PSD3: variants seen among roughly 807,000 people sequenced by gnomAD.
PSD3 encodes pleckstrin and Sec7 domain containing 3.
In PSD3, 49 loss-of-function variants were observed where a neutral mutation model predicts 105.5. The observed-to-expected ratio is 0.46, with a 90% CI of 0.37 to 0.59. PSD3 has a LOEUF of 0.59. Among genes scored for constraint, PSD3 ranks in the 20% least tolerant of loss-of-function variants. PSD3 has a pLI of 0.00. For missense variants in PSD3, 1,561 were observed against 1,263.8 expected (o/e 1.24, Z -3.57); for synonymous variants, 557 against 457.8 (o/e 1.22, Z -2.77).
intron 2 of PSD3, among the ~76,000 whole-genome samples, chr8:18,882,106 G>A (rs1257536884): frequency 2.0e-5 from 3 of 152,114 alleles, no homozygotes; most frequent in Non-Finnish European, 2.9e-5. Context: ...TACTTGGGAG[G>A]CTGAGGTGAG....
intron 14 of PSD3, among the ~76,000 whole-genome samples, chr8:18,562,451 C>G (rs1414971220): frequency 6.6e-6 from 1 of 152,226 alleles, no homozygotes; most frequent in Non-Finnish European, 1.5e-5. Context: ...AGCTTCAGCA[C>G]ATTGTCTTAC....
At chr8:18,591,173 T>C (rs1472726689) in intron 12 of PSD3, among the ~76,000 whole-genome samples, 1 of 151,778 alleles carries the variant, frequency 6.6e-6, no homozygotes, top group African/African-American at 2.4e-5. Flanking sequence ...GTAAGAAGAG[T>C]GATTTCATCT....
chr8:18,934,568 G>A (rs1018674341), intron 2 of PSD3, among the ~76,000 whole-genome samples: 10 of 152,070 alleles, frequency 6.6e-5, no homozygotes, highest in African/African-American at 1.2e-4. Flanking sequence ...CTGCCACCGC[G>A]CCCGGCTAAT....
chr8:19,004,969 C>G (rs1826603604), intron 1 of PSD3, among the ~76,000 whole-genome samples: 1 of 152,054 alleles, frequency 6.6e-6, no homozygotes. Flanking sequence ...TCCATTAAAC[C>G]TCTTTCTTTT....
rs576998355 is a variant in PSD3, at chr8:18,527,559, C to G, written c.*8184G>C. On this transcript the variant is annotated 3_prime_UTR_variant, in exon 16 of 16. Coordinates refer to ENST00000327040, the MANE Select transcript of PSD3 (RefSeq NM_015310.4). ...TATACATATCAGATGACTCACTTGT[C>G]TACAAGGTTTAGATTTACTTGAACA... The G allele has an allele frequency of 6.6e-6, 1 of 152,670 alleles. No individual in the cohort carries two copies. The highest frequency in any genetic ancestry group is 1.9e-4 in the East Asian group (1 of 5,184). The allele number at this position is 152,670 out of a possible 1,614,324, so 9.5% of individuals were successfully genotyped here.
chr8:18,998,173 T>C (rs1826181383), intron 1 of PSD3, among the ~76,000 whole-genome samples: 1 of 151,908 alleles, frequency 6.6e-6, no homozygotes, highest in African/African-American at 2.4e-5. Flanking sequence ...CCTGTAGCCT[T>C]TTAAAAGAGT....
chr8:18,623,530 T>C (rs28478256), intron 11 of PSD3, among the ~76,000 whole-genome samples: 11,558 of 145,884 alleles, frequency 0.079, 558 homozygotes, highest in East Asian at 0.19. Flanking sequence ...GTCCCAGCTA[T>C]CTGGGTGGCT....
At chr8:19,069,690 AACT>A (rs1457721894) in intron 1 of PSD3, among the ~76,000 whole-genome samples, 5 of 152,218 alleles carry the variant, frequency 3.3e-5, no homozygotes, top group African/African-American at 1.2e-4. Context: ...TGTTCACTAC[AACT>A]AAAGAGTACA....
At chr8:18,663,628 T>C (rs1809515483) in intron 9 of PSD3, among the ~76,000 whole-genome samples, 1 of 152,232 alleles carries the variant, frequency 6.6e-6, no homozygotes, top group Non-Finnish European at 1.5e-5. Context: ...GATTACCTTC[T>C]ATTGAACTGG....
intron 1 of PSD3, among the ~76,000 whole-genome samples, chr8:18,993,491 T>C (rs189142899): frequency 6.6e-6 from 1 of 152,172 alleles, no homozygotes; most frequent in African/African-American, 2.4e-5. Context: ...AACAGTTAAA[T>C]AAGATAATGA....
At chr8:18,865,253 TATATATATATATATATATATA>T (rs1816777953) in intron 4 of PSD3, 1 of 3,340 alleles carries the variant, frequency 3.0e-4, no homozygotes, top group Non-Finnish European at 6.9e-4. Flanking sequence ...TATATATATA[TATATATATATATATATATATA>T]TATATATATA....
chr8:18,985,862 C>CT (rs1171907186), intron 1 of PSD3, among the ~76,000 whole-genome samples: 1 of 151,732 alleles, frequency 6.6e-6, no homozygotes, highest in African/African-American at 2.4e-5. Flanking sequence ...TTCATGGATA[C>CT]TTTTTTTAAT....
intron 1 of PSD3, among the ~76,000 whole-genome samples, chr8:19,049,268 G>A (rs991790038): frequency 3.9e-5 from 6 of 152,148 alleles, no homozygotes; most frequent in Non-Finnish European, 7.3e-5. Flanking sequence ...AGGTGGAGCG[G>A]AGAGACTATC....
chr8:18,616,686 G>C lies in PSD3; in HGVS notation c.2410+15927C>G, dbSNP rs111842934. Among the ~76,000 whole-genome samples, 265 of 141,036 alleles carry C rather than the reference G, an allele frequency of 1.9e-3. 2 individuals carry two copies. Among genetic ancestry groups the C allele is most frequent in the African/African-American group, 6.6e-3 (254 of 38,244 alleles). 92.5% of individuals were successfully genotyped at this position (141,036 alleles called of 152,430 possible). ...TCGCCCAGGCTGGAGTGCAGTGGCGGGATCTCGGCTCACTGCAAGCTCCGC... is the reference window on the plus strand; with the variant it reads ...TCGCCCAGGCTGGAGTGCAGTGGCGCGATCTCGGCTCACTGCAAGCTCCGC... On this transcript the variant is annotated intron_variant, in intron 11 of 15. Transcript: ENST00000327040.
At chr8:19,051,672 T>C (rs1053063393) in intron 1 of PSD3, among the ~76,000 whole-genome samples, 2 of 152,198 alleles carry the variant, frequency 1.3e-5, no homozygotes, top group Non-Finnish European at 2.9e-5. Context: ...CGATTTGTCA[T>C]TGTGTCATGC....
At chr8:19,016,347 C>T (rs1827177535), upstream of PSD3, among the ~76,000 whole-genome samples, 1 of 152,142 alleles carries the variant, frequency 6.6e-6, no homozygotes, top group Non-Finnish European at 1.5e-5. Flanking sequence ...GTAGGCAAGA[C>T]ATTATATACT....
intron 1 of PSD3, among the ~76,000 whole-genome samples, chr8:18,961,622 C>T (rs534355081): frequency 2.6e-5 from 4 of 151,944 alleles, no homozygotes; most frequent in East Asian, 2.0e-4. Flanking sequence ...ACCCAGGAGG[C>T]GGAGGTTGCA....
intron 2 of PSD3, among the ~76,000 whole-genome samples, chr8:18,909,295 C>T (rs1820049916): frequency 6.6e-6 from 1 of 152,120 alleles, no homozygotes. Context: ...TTGACCGTGG[C>T]CCCATTAACA....
intron 9 of PSD3, chr8:18,763,170 T>C (rs758709245): frequency 4.9e-6 from 2 of 406,468 alleles, no homozygotes; most frequent in Non-Finnish European, 9.9e-6. Context: ...ACCAAATTAA[T>C]CTAAAAGTAT....
Sources: allele counts gnomAD v4.1 joint callset (sites outside exome capture counted in the v4.1 genomes callset), GRCh38; gene constraint gnomAD v4.1.1; transcripts MANE v1.5; gene names NCBI Gene and HGNC (gene_info 2026-07-23, HGNC 2026-07-21).